OTUD7A: variants seen among roughly 807,000 people sequenced by gnomAD.
The protein encoded by OTUD7A is OTU domain-containing protein 7A.
A neutral mutation model predicts 65.7 loss-of-function variants in OTUD7A; 12 were observed. The observed-to-expected ratio is 0.18, with a 90% CI of 0.12 to 0.30. The LOEUF is 0.30. Ranked by LOEUF, OTUD7A falls within the 10% of genes least tolerant of loss-of-function variation. OTUD7A has a pLI of 1.00. For synonymous variants in OTUD7A, 641 were observed against 586.3 expected (o/e 1.09, Z -1.35); for missense variants, 1,148 against 1,304.8 (o/e 0.88, Z 1.85).
chr15:31,623,391 G>C (rs1453009457), intron 3 of OTUD7A, among the ~76,000 whole-genome samples: 1 of 152,222 alleles, frequency 6.6e-6, no homozygotes, highest in Non-Finnish European at 1.5e-5. Flanking sequence ...GGCAGGCCTC[G>C]TTGAGCTGCA....
At chr15:31,525,832 G>A (rs1391510816) in intron 8 of OTUD7A, among the ~76,000 whole-genome samples, 1 of 152,204 alleles carries the variant, frequency 6.6e-6, no homozygotes, top group Non-Finnish European at 1.5e-5. Flanking sequence ...TTTTTGCTGG[G>A]AACACATATA....
intron 4 of OTUD7A, among the ~76,000 whole-genome samples, chr15:31,567,089 T>G (rs1888899754): frequency 6.6e-6 from 1 of 152,154 alleles, no homozygotes; most frequent in Non-Finnish European, 1.5e-5. Flanking sequence ...AAGTTGGAAG[T>G]CTGGAGGATT....
In OTUD7A at chr15:31,863,153, C is replaced by A. The variant is rs534991212; in HGVS notation, c.-100+7354G>T. 2.0e-5 allele frequency among the ~76,000 whole-genome samples: 3 copies of A among 152,340 alleles called. No homozygotes were observed. In the South Asian group the frequency reaches 6.2e-4, roughly 32 times the overall value. On this transcript the variant is annotated intron_variant, in intron 1 of 12. Coordinates refer to ENST00000307050, the MANE Select transcript of OTUD7A (RefSeq NM_001382637.1). ...ATGCCCGTGGTCTTGTGCAGCTTCA[C>A]CCCTGTGGCTGTGCAGGGTACAGCC...
chr15:31,517,697 T>C (rs923730797), intron 8 of OTUD7A, among the ~76,000 whole-genome samples: 1 of 152,242 alleles, frequency 6.6e-6, no homozygotes, highest in South Asian at 2.1e-4. Context: ...GTTAGGGATA[T>C]ACCGTCTACC....
chr15:31,794,629 G>C (rs1895902699), intron 1 of OTUD7A, among the ~76,000 whole-genome samples: 3 of 66,584 alleles, frequency 4.5e-5, no homozygotes, highest in African/African-American at 7.4e-5. Context: ...GAATAGAATA[G>C]TGAAAAAAAA....
intron 1 of OTUD7A, among the ~76,000 whole-genome samples, chr15:31,825,939 C>T (rs117326099): frequency 0.01 from 1,556 of 152,312 alleles, 71 homozygotes; most frequent in East Asian, 0.092. Context: ...TATGATGATG[C>T]TAGAGGGGGG....
At chr15:31,598,886 G>A (rs143015695) in intron 3 of OTUD7A, among the ~76,000 whole-genome samples, 8 of 152,244 alleles carry the variant, frequency 5.3e-5, no homozygotes, top group East Asian at 1.9e-4. Flanking sequence ...AAACAAAGCC[G>A]CAGGGAAGTT....
chr15:31,634,078 T>C (rs1891262668), intron 3 of OTUD7A, among the ~76,000 whole-genome samples: 1 of 151,820 alleles, frequency 6.6e-6, no homozygotes, highest in African/African-American at 2.4e-5. Flanking sequence ...GACTCAAGGG[T>C]GTCTAAGAGG....
chr15:31,835,687 CAT>C (rs1433287560), intron 1 of OTUD7A, among the ~76,000 whole-genome samples: 1 of 152,134 alleles, frequency 6.6e-6, no homozygotes, highest in Admixed American at 6.6e-5. Flanking sequence ...TACAAACACA[CAT>C]ACACATATAT....
chr15:31,848,681 C>T (rs1339143778), intron 1 of OTUD7A, among the ~76,000 whole-genome samples: 1 of 152,156 alleles, frequency 6.6e-6, no homozygotes, highest in African/African-American at 2.4e-5. Context: ...TTTTTAATCT[C>T]GTTGATAGCA....
chr15:31,657,362 TC>T (rs1892022346), intron 1 of OTUD7A, among the ~76,000 whole-genome samples: 1 of 150,238 alleles, frequency 6.7e-6, no homozygotes, highest in Non-Finnish European at 1.5e-5. Context: ...TTTTCCTTTT[TC>T]TTTTTTTTTT....
intron 8 of OTUD7A, among the ~76,000 whole-genome samples, chr15:31,517,944 T>TCACCCAGC (rs1028012357): frequency 1.3e-5 from 2 of 152,068 alleles, no homozygotes; most frequent in African/African-American, 4.8e-5. Context: ...TAAAGGGCAG[T>TCACCCAGC]CACCCAGCCA....
chr15:31,680,020 A>G (rs767090423), intron 1 of OTUD7A, among the ~76,000 whole-genome samples: 2 of 152,228 alleles, frequency 1.3e-5, no homozygotes, highest in Non-Finnish European at 2.9e-5. Flanking sequence ...AAATGAAAAG[A>G]GAATCAACCT....
intron 1 of OTUD7A, among the ~76,000 whole-genome samples, chr15:31,808,034 G>C (rs762821857): frequency 4.0e-5 from 6 of 151,090 alleles, no homozygotes; most frequent in Non-Finnish European, 8.8e-5. Context: ...CATAGAGGAG[G>C]GGCCAGAAGA....
chr15:31,579,580 C>T (rs1271864177), intron 3 of OTUD7A, among the ~76,000 whole-genome samples: 1 of 152,172 alleles, frequency 6.6e-6, no homozygotes, highest in Non-Finnish European at 1.5e-5. Context: ...TGATTTAAAA[C>T]TTATGATTTC....
At position 31,548,092 on chromosome 15, in the gene OTUD7A, C is replaced by T. The variant is rs146484352; in HGVS notation, c.550+10877G>A. ...CCATATACTCCTAAAAATTTGATAA[C>T]TTCATTTGATTTTCTTCCTGACAGG... On this transcript the variant is annotated intron_variant, in intron 5 of 12. Coordinates refer to ENST00000307050, the MANE Select transcript of OTUD7A (RefSeq NM_001382637.1). 2.6e-5 allele frequency among the ~76,000 whole-genome samples: 4 copies of T among 152,254 alleles called. No individual in the cohort carries two copies. The East Asian group carries it at 5.8e-4, about 22-fold the overall frequency.
chr15:31,652,382 A>G (rs1286801841), intron 3 of OTUD7A, among the ~76,000 whole-genome samples: 3 of 152,242 alleles, frequency 2.0e-5, no homozygotes, highest in Non-Finnish European at 4.4e-5. Flanking sequence ...TGAAAGTATA[A>G]AACTTTTAAA....
chr15:31,708,858 G>T (rs576831911), intron 1 of OTUD7A, among the ~76,000 whole-genome samples: 2 of 151,096 alleles, frequency 1.3e-5, no homozygotes, highest in Admixed American at 6.6e-5. Context: ...GGACTCTGAC[G>T]GGGAGGAAGC....
intron 1 of OTUD7A, among the ~76,000 whole-genome samples, chr15:31,796,131 A>C (rs1895946420): frequency 9.3e-6 from 1 of 107,448 alleles, no homozygotes; most frequent in African/African-American, 3.2e-5. Flanking sequence ...AAGCAGAACC[A>C]GTAAGGGGTG....
Sources: allele counts gnomAD v4.1 joint callset (sites outside exome capture counted in the v4.1 genomes callset), GRCh38; gene constraint gnomAD v4.1.1; transcripts MANE v1.5; gene names NCBI Gene and HGNC (gene_info 2026-07-23, HGNC 2026-07-21).